Variants in TACR3 observed in about 807,000 individuals in gnomAD.
TACR3 encodes the protein neuromedin-K receptor.
In TACR3, 34 loss-of-function variants were observed where a neutral mutation model predicts 35.0. The observed-to-expected ratio is 0.97, with a 90% CI of 0.74 to 1.30. The LOEUF is 1.30. TACR3 is among the 50% of genes most tolerant of loss of function. The probability of loss-of-function intolerance (pLI) is 0.00; values close to 1 mark genes in which losing one functional copy is unlikely to be tolerated. For synonymous variants in TACR3, 233 were observed against 221.1 expected (o/e 1.05, Z -0.48); for missense variants, 558 against 591.7 (o/e 0.94, Z 0.59).
chr4:103,596,746 C>T (rs11945592), intron 3 of TACR3, among the ~76,000 whole-genome samples: 2,478 of 151,976 alleles, frequency 0.016, 57 homozygotes, highest in African/African-American at 0.057. Flanking sequence ...AATGCTATCC[C>T]TCCCCCGTCC....
intron 3 of TACR3, among the ~76,000 whole-genome samples, chr4:103,653,526 C>T (rs1005658632): frequency 2.0e-5 from 3 of 151,994 alleles, no homozygotes; most frequent in Non-Finnish European, 4.4e-5. Context: ...CCCTTCCTTA[C>T]ACCTTATACA....
At chr4:103,630,181 A>C (rs1725026555) in intron 3 of TACR3, among the ~76,000 whole-genome samples, 2 of 152,224 alleles carry the variant, frequency 1.3e-5, no homozygotes, top group Admixed American at 1.3e-4. Context: ...CTTATACAAA[A>C]ATTAATTCAA....
chr4:103,613,884 GGAGAAAGAGA>G (rs1329356302), intron 3 of TACR3, among the ~76,000 whole-genome samples: 13 of 151,990 alleles, frequency 8.6e-5, no homozygotes, highest in Admixed American at 5.2e-4. Context: ...GTGGAGAAGG[GGAGAAAGAGA>G]GAGAAAGAGT....
intron 3 of TACR3, among the ~76,000 whole-genome samples, chr4:103,610,374 T>C (rs1222544986): frequency 6.6e-6 from 1 of 152,146 alleles, no homozygotes; most frequent in Non-Finnish European, 1.5e-5. Context: ...TAATAATTAG[T>C]GATGTTGAGC....
intron 1 of TACR3, among the ~76,000 whole-genome samples, chr4:103,688,755 GC>G (rs1722318497): frequency 6.6e-6 from 1 of 151,994 alleles, no homozygotes; most frequent in African/African-American, 2.4e-5. Flanking sequence ...AACAACAGGT[GC>G]TGGAGAGGAT....
At chr4:103,667,494 A>G (rs1393027933) in intron 1 of TACR3, among the ~76,000 whole-genome samples, 2 of 152,210 alleles carry the variant, frequency 1.3e-5, no homozygotes, top group African/African-American at 4.8e-5. Flanking sequence ...TAGAATTAGA[A>G]TGTTTCTAAC....
At chr4:103,647,629 C>G (rs563250011) in intron 3 of TACR3, among the ~76,000 whole-genome samples, 4 of 151,752 alleles carry the variant, frequency 2.6e-5, no homozygotes, top group African/African-American at 9.7e-5. Flanking sequence ...AATTGTTATT[C>G]TATATTTTGA....
At chr4:103,674,309 T>C (rs1726120844) in intron 1 of TACR3, among the ~76,000 whole-genome samples, 1 of 151,658 alleles carries the variant, frequency 6.6e-6, no homozygotes, top group African/African-American at 2.4e-5. Flanking sequence ...GCTATTATGT[T>C]TTTCTGTTTT....
chr4:103,659,785 C>T (rs1402577890), intron 1 of TACR3, among the ~76,000 whole-genome samples: 2 of 152,050 alleles, frequency 1.3e-5, no homozygotes, highest in African/African-American at 4.8e-5. Context: ...TAACTTAGTA[C>T]CAGAGTAACA....
chr4:103,656,104 A>G lies in TACR3; in HGVS notation c.888+90T>C, dbSNP rs1725728478. 4 of 1,487,350 alleles carry G rather than the reference A, an allele frequency of 2.7e-6. No individual in the cohort carries two copies. In the Admixed American group the frequency reaches 6.8e-5, roughly 25 times the overall value. 92.1% of individuals were successfully genotyped at this position (1,487,350 alleles called of 1,614,324 possible). On this transcript the variant is annotated intron_variant, in intron 3 of 4. Coordinates refer to ENST00000304883, the MANE Select transcript of TACR3 (RefSeq NM_001059.3). ...AAAAACAGGAGTAGAGCATCAGATC[A>G]TATTGTATTAACATGCCATGACTAG...
intron 3 of TACR3, among the ~76,000 whole-genome samples, chr4:103,595,362 C>T (rs1291125927): frequency 2.0e-5 from 3 of 152,078 alleles, no homozygotes; most frequent in Non-Finnish European, 4.4e-5. Context: ...TGGAAACTTA[C>T]AAGCAGGATA....
intron 3 of TACR3, among the ~76,000 whole-genome samples, chr4:103,594,290 G>A (rs906064491): frequency 4.0e-5 from 6 of 151,286 alleles, no homozygotes; most frequent in African/African-American, 1.5e-4. Context: ...TAATTCTTCT[G>A]CCTCAGCCTC....
At chr4:103,689,434 T>A (rs1722348849) in intron 1 of TACR3, among the ~76,000 whole-genome samples, 1 of 152,010 alleles carries the variant, frequency 6.6e-6, no homozygotes, top group African/African-American at 2.4e-5. Flanking sequence ...TAAAAATTAA[T>A]AGTAAACCAA....
At chr4:103,591,460 A>G (rs1251820871) in intron 4 of TACR3, 27 bp downstream of exon 4, 7 of 1,612,538 alleles carry the variant, frequency 4.3e-6, no homozygotes, top group Non-Finnish European at 5.9e-6. Context: ...GTGACAAGCA[A>G]CTTGCATTTC....
intron 3 of TACR3, among the ~76,000 whole-genome samples, chr4:103,628,228 T>G (rs997286392): frequency 1.3e-5 from 2 of 151,934 alleles, no homozygotes; most frequent in Non-Finnish European, 2.9e-5. Flanking sequence ...ACATTACAAT[T>G]AAAAGAACCA....
chr4:103,682,660 G>A (rs184665779), intron 1 of TACR3, among the ~76,000 whole-genome samples: 100 of 152,172 alleles, frequency 6.6e-4, no homozygotes, highest in Admixed American at 3.3e-3. Flanking sequence ...GGTGTGAGCC[G>A]TCACATCCTG....
intron 1 of TACR3, among the ~76,000 whole-genome samples, chr4:103,688,950 G>A (rs573241165): frequency 3.9e-5 from 6 of 152,020 alleles, no homozygotes; most frequent in Middle Eastern, 3.2e-3. Context: ...ACATGCACGC[G>A]TATGTTTATT....
chr4:103,682,490 A>AACTC (rs1339653373), intron 1 of TACR3, among the ~76,000 whole-genome samples: 1 of 152,066 alleles, frequency 6.6e-6, no homozygotes, highest in African/African-American at 2.4e-5. Flanking sequence ...ATCTTGTGAG[A>AACTC]ACTCACTCAC....
At chr4:103,688,483 T>A (rs1331396505) in intron 1 of TACR3, among the ~76,000 whole-genome samples, 3 of 150,524 alleles carry the variant, frequency 2.0e-5, no homozygotes, top group African/African-American at 7.4e-5. Context: ...GGGAGAAAAT[T>A]TTCGCAACCT....
Sources: allele counts gnomAD v4.1 joint callset (sites outside exome capture counted in the v4.1 genomes callset), GRCh38; gene constraint gnomAD v4.1.1; transcripts MANE v1.5; gene names NCBI Gene and HGNC (gene_info 2026-07-23, HGNC 2026-07-21).